SLC35F4: variants seen among roughly 807,000 people sequenced by gnomAD.
SLC35F4 encodes the protein chromosome 14 open reading frame 36.
A neutral mutation model predicts 44.2 loss-of-function variants in SLC35F4; 24 were observed. That is an observed-to-expected ratio of 0.54 (90% CI 0.39 to 0.76). The LOEUF (loss-of-function observed/expected upper bound fraction) is 0.76, where lower values mean the gene tolerates loss of function less well. Ranked by LOEUF, SLC35F4 falls within the 30% of genes least tolerant of loss-of-function variation. SLC35F4 has a pLI of 0.00. For synonymous variants in SLC35F4, 238 were observed against 223.6 expected, an observed-to-expected ratio of 1.06 and a Z score of -0.57; for missense variants, 562 against 586.1, an observed-to-expected ratio of 0.96 and a Z score of 0.42.
chr14:57,679,829 A>G (rs1482174007), intron 1 of SLC35F4, among the ~76,000 whole-genome samples: 1 of 152,102 alleles, frequency 6.6e-6, no homozygotes, highest in African/African-American at 2.4e-5. Context: ...ACCAAGAAGA[A>G]GTCGAATCCC....
At chr14:57,830,627 C>A (rs545091071) in intron 1 of SLC35F4, among the ~76,000 whole-genome samples, 1 of 152,084 alleles carries the variant, frequency 6.6e-6, no homozygotes, top group African/African-American at 2.4e-5. Flanking sequence ...ATTAAATGAG[C>A]CAATATGGTT....
intron 1 of SLC35F4, among the ~76,000 whole-genome samples, chr14:57,946,419 A>G (rs1890027402): frequency 6.6e-6 from 1 of 150,518 alleles, no homozygotes; most frequent in Admixed American, 6.6e-5. Flanking sequence ...TGCTTTGTCG[A>G]AGATCAGTTG....
intron 1 of SLC35F4, among the ~76,000 whole-genome samples, chr14:57,772,381 T>A (rs2077386056): frequency 8.3e-6 from 1 of 120,214 alleles, no homozygotes; most frequent in African/African-American, 3.8e-5. Flanking sequence ...CTTTTAGTTT[T>A]TATTTTTTTT....
chr14:57,586,099 A>G (rs2069698441), intron 3 of SLC35F4, among the ~76,000 whole-genome samples: 1 of 152,212 alleles, frequency 6.6e-6, no homozygotes, highest in African/African-American at 2.4e-5. Context: ...TACAGTAACC[A>G]AAACAGCATG....
chr14:57,627,433 C>A (rs987025240), intron 1 of SLC35F4, among the ~76,000 whole-genome samples: 1 of 152,056 alleles, frequency 6.6e-6, no homozygotes, highest in Non-Finnish European at 1.5e-5. Context: ...GACATTTATT[C>A]CTTGGACCAG....
At chr14:57,841,170 A>G (rs149349731) in intron 1 of SLC35F4, among the ~76,000 whole-genome samples, 259 of 152,304 alleles carry the variant, frequency 1.7e-3, no homozygotes, top group African/African-American at 5.5e-3. Flanking sequence ...GGGCATGGCT[A>G]ATACCTGGAC....
intron 1 of SLC35F4, among the ~76,000 whole-genome samples, chr14:57,765,599 T>A (rs1203678637): frequency 1.3e-5 from 2 of 152,266 alleles, no homozygotes; most frequent in Non-Finnish European, 2.9e-5. Flanking sequence ...TATTAATTTT[T>A]AAAAATTGTA....
chr14:57,800,207 G>A (rs944763372), intron 1 of SLC35F4, among the ~76,000 whole-genome samples: 7 of 152,110 alleles, frequency 4.6e-5, no homozygotes, highest in African/African-American at 9.7e-5. Context: ...ATACCTCCAG[G>A]TACAAGAGAA....
chr14:57,727,950 TG>T (rs1356997892), intron 1 of SLC35F4, among the ~76,000 whole-genome samples: 1 of 152,228 alleles, frequency 6.6e-6, no homozygotes, highest in East Asian at 1.9e-4. Flanking sequence ...ATTTTCTGTA[TG>T]GGAGATCTGT....
At chr14:57,887,020 T>C (rs1888664200) in intron 1 of SLC35F4, among the ~76,000 whole-genome samples, 1 of 152,188 alleles carries the variant, frequency 6.6e-6, no homozygotes, top group Non-Finnish European at 1.5e-5. Flanking sequence ...ATGTTATACT[T>C]TCCCTCCACT....
intron 1 of SLC35F4, among the ~76,000 whole-genome samples, chr14:57,664,191 C>T (rs1388758863): frequency 5.9e-5 from 9 of 152,278 alleles, no homozygotes; most frequent in African/African-American, 2.2e-4. Context: ...GCAGAGAACA[C>T]ACATCTAGGT....
intron 2 of SLC35F4, among the ~76,000 whole-genome samples, chr14:57,592,147 T>C (rs2070230548): frequency 6.6e-6 from 1 of 152,250 alleles, no homozygotes; most frequent in African/African-American, 2.4e-5. Context: ...ACCAGGATTC[T>C]ATCCATTTCT....
chr14:57,803,744 C>T (rs1011355966), intron 1 of SLC35F4, among the ~76,000 whole-genome samples: 5 of 151,820 alleles, frequency 3.3e-5, no homozygotes, highest in Admixed American at 6.6e-5. Flanking sequence ...CGCTTGACAC[C>T]GTGCTTGGCT....
At position 57,857,144 on chromosome 14, in the gene SLC35F4, G is replaced by A. The variant is rs7140832; in HGVS notation, c.103+8579C>T. 0.023 allele frequency among the ~76,000 whole-genome samples: 3,570 copies of A among 151,964 alleles called. 446 individuals are homozygous for A. In the East Asian group the frequency reaches 0.4, roughly 17 times the overall value. ...ATACAAAAATTAGCTGGGCATGGTG[G>A]TGCATGCCTGTAATCCCAGCTACTC... is the stretch of plus-strand genomic sequence containing the variant. On this transcript the variant is annotated intron_variant, in intron 1 of 7. Coordinates refer to ENST00000556826, the MANE Select transcript of SLC35F4 (RefSeq NM_001306087.2).
Position 57,865,820 on chromosome 14 carries a change from A to G in SLC35F4, c.6T>C (p.Asp2=). Reference sequence around the variant, plus strand: ...CCACCCCGTTGGGGGCCGCCTTGACATCCATAGAGAGCGCGGGGCGACGGC... The same window carrying G: ...CCACCCCGTTGGGGGCCGCCTTGACGTCCATAGAGAGCGCGGGGCGACGGC... M[D]VKAAPNGVAT... is the part of the protein sequence containing the mutation. Residue 2 remains aspartate (D), a synonymous_variant, in exon 1 of 8, where the codon GAT becomes GAC. Transcript: ENST00000556826. The G allele has an allele frequency of 1.3e-6, 2 of 1,507,840 alleles. No individual in the cohort carries two copies. Among genetic ancestry groups the G allele is most frequent in the Non-Finnish European group, 1.8e-6 (2 of 1,134,564 alleles). The allele number at this position is 1,507,840 out of a possible 1,614,324, so 93.4% of individuals were successfully genotyped here.
intron 1 of SLC35F4, among the ~76,000 whole-genome samples, chr14:57,678,409 C>CA (rs1296344613): frequency 6.6e-6 from 1 of 151,994 alleles, no homozygotes; most frequent in Non-Finnish European, 1.5e-5. Context: ...CAAGCCACTG[C>CA]AAAAACATGC....
intron 1 of SLC35F4, among the ~76,000 whole-genome samples, chr14:57,814,582 T>C (rs1172041210): frequency 6.6e-6 from 1 of 152,252 alleles, no homozygotes; most frequent in African/African-American, 2.4e-5. Flanking sequence ...TTATTATGAA[T>C]ACTAATTCTG....
At chr14:57,967,622 G>A (rs1880911796) in intron 1 of SLC35F4, among the ~76,000 whole-genome samples, 1 of 152,168 alleles carries the variant, frequency 6.6e-6, no homozygotes, top group Non-Finnish European at 1.5e-5. Flanking sequence ...CCTTGAAATA[G>A]GTATTATTAT....
intron 1 of SLC35F4, among the ~76,000 whole-genome samples, chr14:57,709,370 T>C (rs952709300): frequency 2.0e-5 from 3 of 152,146 alleles, no homozygotes; most frequent in Non-Finnish European, 4.4e-5. Flanking sequence ...CTTCTCACTA[T>C]GTCCCCTCAG....
Sources: gnomAD v4.1 joint callset for allele counts (sites outside exome capture counted in the v4.1 genomes callset) on GRCh38, gnomAD v4.1.1 for gene constraint, MANE v1.5 for transcripts, NCBI Gene and HGNC (gene_info 2026-07-23, HGNC 2026-07-21) for gene names.